Variants in REXO5 observed in about 807,000 individuals in gnomAD.
REXO5 encodes RNA exonuclease 5, also known as exonuclease NEF-sp.
In REXO5, 48 loss-of-function variants were observed where a neutral mutation model predicts 88.5. The ratio of observed to expected loss-of-function variants is 0.54; its 90% confidence interval spans 0.43 to 0.69. REXO5 has a LOEUF of 0.69. Among genes scored for constraint, REXO5 ranks in the 30% least tolerant of loss-of-function variants. REXO5 has a pLI of 0.00. For missense variants in REXO5, 749 were observed against 912.2 expected (o/e 0.82, Z 2.30); for synonymous variants, 311 against 336.5 (o/e 0.92, Z 0.83).
At chr16:20,845,865 G>A (rs1439915403) in intron 18 of REXO5, among the ~76,000 whole-genome samples, 1 of 152,108 alleles carries the variant, frequency 6.6e-6, no homozygotes, top group Non-Finnish European at 1.5e-5. Context: ...CAGATGAAAA[G>A]TAGGGGCTAG....
At chr16:20,833,969 G>A (rs1329557051) in intron 13 of REXO5, among the ~76,000 whole-genome samples, 1 of 151,988 alleles carries the variant, frequency 6.6e-6, no homozygotes, top group African/African-American at 2.4e-5. Flanking sequence ...TCATTTCTAG[G>A]GTCATGTATT....
intron 13 of REXO5, 65 bp from the exon 14 acceptor site, chr16:20,839,690 C>CCTGG: frequency 7.8e-6 from 8 of 1,022,096 alleles, no homozygotes; most frequent in Non-Finnish European, 1.2e-5. Context: ...TATTGTGGCT[C>CCTGG]ATATCCAGGA....
In REXO5 at chr16:20,832,217, A is replaced by G; in HGVS notation, c.1220A>G (p.Glu407Gly). Residue 407 changes from glutamate (E) to glycine (G), a missense_variant, in exon 12 of 20, where the codon GAG (glutamate) becomes GGG (glycine). Glu to Gly is a moderately conservative substitution (Grantham distance 98). Transcript: ENST00000261377. ...CAAGAAATACAAGCAGCAGGCCAAG[A>G]GCCTAAAAACACAGCAGAAGTACTT... Reference protein sequence around the residue: ...NHQEIQAAGQEPKNTAEVLQH... With the variant: ...NHQEIQAAGQGPKNTAEVLQH... 1 of 1,613,042 alleles carries G rather than the reference A, an allele frequency of 6.2e-7. No homozygotes were observed. Among genetic ancestry groups the G allele is most frequent in the Non-Finnish European group, 8.5e-7 (1 of 1,179,518 alleles).
chr16:20,836,310 C>T lies in REXO5; in HGVS notation c.1383+3187C>T, dbSNP rs1220867383. Among the ~76,000 whole-genome samples the T allele has an allele frequency of 6.6e-5, 10 of 152,214 alleles. No homozygotes were observed. In the East Asian group the frequency reaches 1.9e-3, roughly 29 times the overall value. ...ATGAATGTGCTCTGCCTGTTGGAAACCACTGATTTTTTTTTTACTGTCTCC... is the reference window on the plus strand; with the variant it reads ...ATGAATGTGCTCTGCCTGTTGGAAATCACTGATTTTTTTTTTACTGTCTCC... On this transcript the variant is annotated intron_variant, in intron 13 of 19. Coordinates refer to ENST00000261377, the MANE Select transcript of REXO5 (RefSeq NM_030941.3).
At chr16:20,836,938 G>C (rs1247572597) in intron 13 of REXO5, among the ~76,000 whole-genome samples, 1 of 152,120 alleles carries the variant, frequency 6.6e-6, no homozygotes, top group Non-Finnish European at 1.5e-5. Flanking sequence ...TGAAGTGTCT[G>C]TTCAACTCTT....
rs750931553 is a variant in REXO5, at chr16:20,815,049, GA to G, written c.375del (p.Arg125SerfsTer14). 3.1e-6 allele frequency: 5 copies of G among 1,610,702 alleles called. No homozygotes were observed. The African/African-American group carries it at 6.7e-5, about 22-fold the overall frequency. ...LEFGCLRKAFRHKFRLPPPSS... is the reference protein window; with the variant it reads ...LEFGCLRKAFXHKFRLPPPSS... Reference sequence around the variant, plus strand: ...TTTGGATGTCTTCGAAAAGCATTCAGACATGTAAGTTAAGAATACTTTGTAC... The same window carrying G: ...TTTGGATGTCTTCGAAAAGCATTCAGCATGTAAGTTAAGAATACTTTGTAC... On this transcript the variant is annotated frameshift_variant, in exon 4 of 20. Coordinates refer to ENST00000261377, the MANE Select transcript of REXO5 (RefSeq NM_030941.3). LOFTEE classifies it high-confidence loss of function.
intron 13 of REXO5, among the ~76,000 whole-genome samples, chr16:20,834,465 C>T (rs557725016): frequency 3.5e-4 from 54 of 152,162 alleles, no homozygotes; most frequent in Non-Finnish European, 6.8e-4. Context: ...TTTGCTTGAG[C>T]TTGTTGAGCT....
chr16:20,806,861 T>A, intron 1 of REXO5, 91 bp from the exon 2 acceptor site: 1 of 1,489,070 alleles, frequency 6.7e-7, no homozygotes, highest in East Asian at 2.5e-5. Flanking sequence ...TTGAAAGCTG[T>A]CAAGCCCGTG....
intron 5 of REXO5, among the ~76,000 whole-genome samples, chr16:20,817,838 G>A (rs370919565): frequency 3.3e-5 from 5 of 152,220 alleles, no homozygotes; most frequent in Admixed American, 1.3e-4. Context: ...TTATCTCTAG[G>A]TCTGATGCCC....
At chr16:20,815,170 G>C (rs1167232425) in intron 4 of REXO5, 117 bp downstream of exon 4, 9 of 1,150,978 alleles carry the variant, frequency 7.8e-6, no homozygotes, top group Non-Finnish European at 1.1e-5. Flanking sequence ...AGGGGATATA[G>C]AAAGCAAAAA....
At chr16:20,824,274 T>A (rs964156667) in intron 6 of REXO5, among the ~76,000 whole-genome samples, 165 bp from the exon 7 acceptor site, 2 of 152,136 alleles carry the variant, frequency 1.3e-5, no homozygotes, top group Non-Finnish European at 2.9e-5. Flanking sequence ...GGAGAAAAAC[T>A]TGAGGACAGA....
chr16:20,833,420 A>G (rs960558464), intron 13 of REXO5, among the ~76,000 whole-genome samples: 3 of 152,052 alleles, frequency 2.0e-5, no homozygotes, highest in African/African-American at 4.8e-5. Context: ...GAGCCTGGCT[A>G]TATCCTTTCG....
intron 13 of REXO5, among the ~76,000 whole-genome samples, chr16:20,838,155 A>G (rs1454984063): frequency 3.3e-5 from 5 of 152,092 alleles, no homozygotes; most frequent in African/African-American, 1.2e-4. Flanking sequence ...TTTTCATTCA[A>G]GAGCATCTCT....
rs761164703 is a variant in REXO5, at chr16:20,849,459, T to C, written c.2304T>C (p.Ala768=). ...GAATAAAAGAGGAAGAAGAAAGCGC[T>C]GGCCCAGGCCTGTGTTCGTGAGTCG... ...LMGIKEEEES[A]GPGLCS The change falls in exon 20 of 20, where the codon GCT becomes GCC. Residue 768 remains alanine, a synonymous_variant. Transcript: ENST00000261377. The C allele has an allele frequency of 8.7e-6, 14 of 1,614,052 alleles. No homozygotes were observed. The South Asian group carries it at 1.5e-4, about 18-fold the overall frequency.
chr16:20,807,473 C>CT (rs2080907348), intron 2 of REXO5: 1 of 205,428 alleles, frequency 4.9e-6, no homozygotes, highest in Non-Finnish European at 1.0e-5. Flanking sequence ...ATCCCACCTA[C>CT]TTGGGAGGCT....
chr16:20,816,268 T>C (rs2081079517), intron 5 of REXO5, 56 bp downstream of exon 5: 4 of 1,405,242 alleles, frequency 2.8e-6, no homozygotes, highest in South Asian at 2.4e-5. Flanking sequence ...ACGGATATGA[T>C]TGTAAGTAGG....
intron 13 of REXO5, among the ~76,000 whole-genome samples, chr16:20,835,638 A>ATT (rs2081416638): frequency 2.0e-4 from 1 of 5,018 alleles, no homozygotes; most frequent in Admixed American, 3.6e-3. Context: ...TGTTCTTAGG[A>ATT]ATTTTTTTTT....
At chr16:20,830,820 A>G (rs1451056871) in intron 11 of REXO5, among the ~76,000 whole-genome samples, 1 of 152,128 alleles carries the variant, frequency 6.6e-6, no homozygotes, top group African/African-American at 2.4e-5. Flanking sequence ...TGAAACAACA[A>G]GGTGCAACAG....
chr16:20,838,896 T>C (rs1238160100), intron 13 of REXO5, among the ~76,000 whole-genome samples: 2 of 152,176 alleles, frequency 1.3e-5, no homozygotes, highest in Admixed American at 6.5e-5. Context: ...GAGGTGTAGA[T>C]GGGACCACAA....
Sources: allele counts gnomAD v4.1 joint callset (sites outside exome capture counted in the v4.1 genomes callset), GRCh38; gene constraint gnomAD v4.1.1; transcripts MANE v1.5; gene names NCBI Gene and HGNC (gene_info 2026-07-23, HGNC 2026-07-21).